Variants in TAFA4 observed in about 807,000 individuals in gnomAD.
TAFA4 encodes chemokine-like protein TAFA-4.
Under a neutral mutation model 21.1 loss-of-function variants are expected in TAFA4, and 20 were observed. That is an observed-to-expected ratio of 0.95 (90% CI 0.67 to 1.38). The LOEUF (loss-of-function observed/expected upper bound fraction) is 1.38. Ranked by LOEUF, TAFA4 falls within the 40% of genes most tolerant of loss-of-function variation. TAFA4 has a pLI of 0.00. For missense variants in TAFA4, 211 were observed against 180.9 expected, an observed-to-expected ratio of 1.17 and a Z score of -0.95; for synonymous variants, 71 against 67.4, an observed-to-expected ratio of 1.05 and a Z score of -0.26.
chr3:68,891,373 C>T (rs1429481670), intron 1 of TAFA4, among the ~76,000 whole-genome samples: 1 of 152,152 alleles, frequency 6.6e-6, no homozygotes, highest in African/African-American at 2.4e-5. Context: ...TTCCCGCCTG[C>T]CCACTCACCA....
intron 1 of TAFA4, among the ~76,000 whole-genome samples, chr3:68,927,368 T>C (rs1325056718): frequency 2.0e-5 from 3 of 152,098 alleles, no homozygotes; most frequent in Admixed American, 6.6e-5. Flanking sequence ...GGCACAGATG[T>C]GAAACTAAAA....
chr3:68,812,713 C>T (rs922116268), intron 3 of TAFA4, among the ~76,000 whole-genome samples: 2 of 152,092 alleles, frequency 1.3e-5, no homozygotes, highest in Non-Finnish European at 2.9e-5. Flanking sequence ...TAGACTGCCA[C>T]ACAATAATAA....
At chr3:68,888,107 C>T (rs373323261) in intron 1 of TAFA4, among the ~76,000 whole-genome samples, 1 of 152,146 alleles carries the variant, frequency 6.6e-6, no homozygotes, top group Admixed American at 6.6e-5. Context: ...TGAACACTCT[C>T]CTGCCACATA....
chr3:68,765,417 ATTTT>A (rs564068422), intron 3 of TAFA4, among the ~76,000 whole-genome samples: 1 of 151,260 alleles, frequency 6.6e-6, no homozygotes, highest in African/African-American at 2.4e-5. Flanking sequence ...AATAAGCTGC[ATTTT>A]TTTTTATCAT....
chr3:68,907,154 T>G (rs1484779650), intron 1 of TAFA4, among the ~76,000 whole-genome samples: 2 of 151,898 alleles, frequency 1.3e-5, no homozygotes, highest in African/African-American at 4.8e-5. Context: ...AACGTGATTT[T>G]AGCCAAGAGG....
intron 3 of TAFA4, among the ~76,000 whole-genome samples, chr3:68,877,184 G>A (rs1176053234): frequency 6.6e-6 from 1 of 151,904 alleles, no homozygotes; most frequent in Non-Finnish European, 1.5e-5. Context: ...CATGGGGAAA[G>A]CCCACCTCTA....
chr3:68,762,228 G>A (rs1702769541), intron 3 of TAFA4, among the ~76,000 whole-genome samples: 1 of 151,648 alleles, frequency 6.6e-6, no homozygotes, highest in Non-Finnish European at 1.5e-5. Context: ...TGTAGCAGAA[G>A]AATGGAGGTA....
At chr3:68,833,321 C>A (rs111756283) in intron 3 of TAFA4, among the ~76,000 whole-genome samples, 3 of 152,138 alleles carry the variant, frequency 2.0e-5, no homozygotes, top group Non-Finnish European at 2.9e-5. Flanking sequence ...TCAGCCATCT[C>A]GGAAGCGACT....
intron 3 of TAFA4, among the ~76,000 whole-genome samples, chr3:68,808,217 G>A (rs535687991): frequency 1.9e-4 from 29 of 152,184 alleles, no homozygotes; most frequent in African/African-American, 6.7e-4. Context: ...AGACAGAATT[G>A]TTCACATACA....
rs1175633533 is a variant in TAFA4, at chr3:68,932,504, G to C, written c.-387C>G. 1 of 152,266 alleles carries C rather than the reference G, an allele frequency of 6.6e-6. No individual in the cohort carries two copies. Among genetic ancestry groups the C allele is most frequent in the Non-Finnish European group, 1.5e-5 (1 of 68,084 alleles). The allele number at this position is 152,266 out of a possible 1,614,324, so 9.4% of individuals were successfully genotyped here. On this transcript the variant is annotated 5_prime_UTR_variant, in exon 1 of 6. Transcript: ENST00000295569. ...CCGATGTTTGCCCGCAGCCGCGCGC[G>C]CAGTCGGTGCGCCCCGTCCAGGGCG...
rs751020598 is a variant in TAFA4, at chr3:68,880,894, C to T, written c.15-49G>A. On this transcript the variant is annotated intron_variant, in intron 2 of 5. Transcript: ENST00000295569. ...TCAGTGAGGGCTGAGGAAGGCCAGA[C>T]TCCCTGGCAAGCACCATTCTAGGAA... 3 of 1,484,262 alleles carry T rather than the reference C, an allele frequency of 2.0e-6. No individual in the cohort carries two copies. The South Asian group carries it at 3.5e-5, about 17-fold the overall frequency. The allele number at this position is 1,484,262 out of a possible 1,614,324, so 91.9% of individuals were successfully genotyped here.
intron 1 of TAFA4, among the ~76,000 whole-genome samples, chr3:68,899,441 G>C (rs1041623439): frequency 6.6e-6 from 1 of 151,192 alleles, no homozygotes; most frequent in Non-Finnish European, 1.5e-5. Context: ...TGGCATTTAC[G>C]GAAGGCTTCT....
intron 1 of TAFA4, among the ~76,000 whole-genome samples, chr3:68,925,002 G>A (rs1264296591): frequency 1.3e-5 from 2 of 152,148 alleles, no homozygotes; most frequent in African/African-American, 2.4e-5. Flanking sequence ...CGCATACAAG[G>A]AGAATGAGAT....
intron 1 of TAFA4, among the ~76,000 whole-genome samples, chr3:68,896,199 G>A (rs1168402743): frequency 6.6e-6 from 1 of 152,156 alleles, no homozygotes; most frequent in Non-Finnish European, 1.5e-5. Context: ...GAAGCTTGTA[G>A]GCCATAGTGT....
chr3:68,846,933 C>A (rs1704816724), intron 3 of TAFA4, among the ~76,000 whole-genome samples: 1 of 142,794 alleles, frequency 7.0e-6, no homozygotes, highest in Non-Finnish European at 1.6e-5. Flanking sequence ...CAGCCGCTCT[C>A]CTGCATGAGA....
Position 68,880,853 on chromosome 3 carries a change from A to C in TAFA4, c.15-8T>G. ...TTAGCACAGACTCTCATCCTGGAGGAAAAGCAGGGCTGGAGTCAGTGAGGG... is the reference window on the plus strand; with the variant it reads ...TTAGCACAGACTCTCATCCTGGAGGCAAAGCAGGGCTGGAGTCAGTGAGGG... On this transcript the variant is annotated splice_polypyrimidine_tract_variant and splice_region_variant and intron_variant, in intron 2 of 5. Transcript: ENST00000295569. 1 of 1,611,148 alleles carries C rather than the reference A, an allele frequency of 6.2e-7. No homozygotes were observed. The highest frequency in any genetic ancestry group is 8.5e-7 in the Non-Finnish European group (1 of 1,178,282).
intron 3 of TAFA4, among the ~76,000 whole-genome samples, chr3:68,872,097 C>G (rs753319292): frequency 6.6e-6 from 1 of 152,130 alleles, no homozygotes; most frequent in Non-Finnish European, 1.5e-5. Flanking sequence ...GATAACTATA[C>G]TCCCATGTTT....
chr3:68,897,410 G>A (rs1007728770), intron 1 of TAFA4, among the ~76,000 whole-genome samples: 1 of 151,872 alleles, frequency 6.6e-6, no homozygotes, highest in African/African-American at 2.4e-5. Flanking sequence ...GCAGACACCT[G>A]AGATCAGGAG....
chr3:68,758,214 T>G (rs1387729), intron 3 of TAFA4, among the ~76,000 whole-genome samples: 44,669 of 152,158 alleles, frequency 0.29, 7,595 homozygotes, highest in Non-Finnish European at 0.39. Flanking sequence ...CTTTTTCAAT[T>G]TGATGACAGT....
Sources: allele counts gnomAD v4.1 joint callset (sites outside exome capture counted in the v4.1 genomes callset), GRCh38; gene constraint gnomAD v4.1.1; transcripts MANE v1.5; gene names NCBI Gene and HGNC (gene_info 2026-07-23, HGNC 2026-07-21).